The following ATP2B2 variants were observed in gnomAD, a reference collection of about 807,000 sequenced individuals.
The protein encoded by ATP2B2 is plasma membrane calcium-transporting ATPase 2.
A neutral mutation model predicts 120.0 loss-of-function variants in ATP2B2; 15 were observed. The ratio of observed to expected loss-of-function variants is 0.12; its 90% CI spans 0.08 to 0.19. The LOEUF is 0.19. Among genes scored for constraint, ATP2B2 ranks in the 10% least tolerant of loss-of-function variants. ATP2B2 has a pLI of 1.00. For synonymous variants in ATP2B2, 694 were observed against 700.3 expected (o/e 0.99, Z 0.14); for missense variants, 1,045 against 1,719.8 (o/e 0.61, Z 6.94).
intron 2 of ATP2B2, among the ~76,000 whole-genome samples, chr3:10,556,772 TTTC>T (rs1247894149): frequency 1.3e-5 from 2 of 152,252 alleles, no homozygotes; most frequent in Non-Finnish European, 2.9e-5. Flanking sequence ...TTATGTATTC[TTTC>T]TTATTTTATT....
At chr3:10,707,959 C>CCGCTGCCGCT (rs1559529295) in exon 1 of ATP2B2, 7 of 149,890 alleles carry the variant, frequency 4.7e-5, no homozygotes, top group East Asian at 2.0e-4. Flanking sequence ...CCGCTGCCGC[C>CCGCTGCCGCT]GCCGCTGCCG....
chr3:10,568,108 C>T (rs982135963), intron 2 of ATP2B2, among the ~76,000 whole-genome samples: 1 of 152,176 alleles, frequency 6.6e-6, no homozygotes, highest in Non-Finnish European at 1.5e-5. Context: ...AGAGGGCGAG[C>T]CTGGTCCTGC....
At chr3:10,424,144 C>T (rs904179004) in intron 2 of ATP2B2, among the ~76,000 whole-genome samples, 11 of 152,192 alleles carry the variant, frequency 7.2e-5, no homozygotes, top group Non-Finnish European at 1.6e-4. Flanking sequence ...CCTACATGAT[C>T]ATCACTTTAT....
intron 1 of ATP2B2, among the ~76,000 whole-genome samples, chr3:10,640,757 A>T (rs947683985): frequency 3.3e-5 from 5 of 151,826 alleles, no homozygotes; most frequent in Non-Finnish European, 5.9e-5. Context: ...CTCTCCAGGC[A>T]GACAAGAGTA....
intron 1 of ATP2B2, among the ~76,000 whole-genome samples, chr3:10,630,669 T>A (rs923450745): frequency 1.2e-4 from 19 of 152,364 alleles, no homozygotes; most frequent in African/African-American, 4.3e-4. Context: ...TTTCCTCATC[T>A]GTAAAATGGC....
intron 12 of ATP2B2, among the ~76,000 whole-genome samples, chr3:10,367,840 A>C (rs2061111023): frequency 6.6e-6 from 1 of 152,176 alleles, no homozygotes; most frequent in African/African-American, 2.4e-5. Flanking sequence ...TAGGGAAAGC[A>C]CTCAGCATTG....
At chr3:10,361,628 C>T (rs892887314) in intron 12 of ATP2B2, among the ~76,000 whole-genome samples, 8 of 152,234 alleles carry the variant, frequency 5.3e-5, no homozygotes, top group African/African-American at 9.6e-5. Context: ...TGCCCGAACA[C>T]GGGCTGTTTC....
chr3:10,410,565 G>A (rs1251793446), intron 3 of ATP2B2, 53 bp downstream of exon 3: 1 of 1,532,462 alleles, frequency 6.5e-7, no homozygotes, highest in Admixed American at 1.9e-5. Flanking sequence ...CCCCCAGCGT[G>A]GATGCGGTGG....
chr3:10,346,115 A>G lies in ATP2B2; in HGVS notation c.2427T>C (p.Thr809=), dbSNP rs2060424342. 3 of 1,611,660 alleles carry G rather than the reference A, an allele frequency of 1.9e-6. No individual in the cohort carries two copies. In the Admixed American group the frequency reaches 5.0e-5, roughly 27 times the overall value. Residue 809 remains threonine, a synonymous_variant, in exon 17 of 23, where the codon ACT becomes ACC. Coordinates refer to ENST00000360273, the MANE Select transcript of ATP2B2 (RefSeq NM_001001331.4). The surrounding 1 kb of genome is among the most constrained non-coding windows in gnomAD (Gnocchi z 4.1). ...TCACGGCCACCACCTGCCGCTGCTCAGTGTGTGTGCTGTCGATGATGCCTG... is the reference window on the plus strand; with the variant it reads ...TCACGGCCACCACCTGCCGCTGCTCGGTGTGTGTGCTGTCGATGATGCCTG... ...LVKGIIDSTH[T]EQRQVVAVTG...
chr3:10,441,135 G>A (rs544481003), intron 2 of ATP2B2, among the ~76,000 whole-genome samples: 123 of 152,316 alleles, frequency 8.1e-4, no homozygotes, highest in African/African-American at 2.9e-3. Context: ...GGAGAGTAAG[G>A]GGATCTGGAA....
At chr3:10,687,976 T>A (rs929887329) in intron 1 of ATP2B2, among the ~76,000 whole-genome samples, 7 of 152,252 alleles carry the variant, frequency 4.6e-5, no homozygotes, top group Non-Finnish European at 1.0e-4. Context: ...TGAAAATTCC[T>A]ATGGGACAAG....
intron 2 of ATP2B2, among the ~76,000 whole-genome samples, chr3:10,578,599 T>G (rs1212578631): frequency 6.6e-6 from 1 of 151,142 alleles, no homozygotes; most frequent in Non-Finnish European, 1.5e-5. Flanking sequence ...CACCAAAGAC[T>G]TATACACAGA....
chr3:10,341,559 C>G (rs1296189476), intron 19 of ATP2B2, among the ~76,000 whole-genome samples: 3 of 152,222 alleles, frequency 2.0e-5, no homozygotes, highest in African/African-American at 7.2e-5. Flanking sequence ...GATCCACCCG[C>G]CTCGGCCTCC....
chr3:10,451,432 C>T lies in ATP2B2; in HGVS notation c.-319-1570G>A, dbSNP rs187744249. Among the ~76,000 whole-genome samples, 307 of 152,322 alleles carry T rather than the reference C, an allele frequency of 2.0e-3. 3 individuals carry two copies. The highest frequency in any genetic ancestry group is 9.8e-4 in the Non-Finnish European group (67 of 68,022). ...AATTGGGGGCAAAACAGTCTCTCTTCCTTACCCCTACCCCTGACTACTTCC... is the reference window on the plus strand; with the variant it reads ...AATTGGGGGCAAAACAGTCTCTCTTTCTTACCCCTACCCCTGACTACTTCC... On this transcript the variant is annotated intron_variant, in intron 1 of 22. Coordinates refer to ENST00000360273, the MANE Select transcript of ATP2B2 (RefSeq NM_001001331.4).
chr3:10,527,716 G>C (rs1405212357), intron 3 of ATP2B2, among the ~76,000 whole-genome samples: 1 of 152,212 alleles, frequency 6.6e-6, no homozygotes, highest in African/African-American at 2.4e-5. Context: ...AGGGCTGTGG[G>C]GAGTGCCTCG....
chr3:10,622,568 G>C (rs551516168), intron 1 of ATP2B2, among the ~76,000 whole-genome samples: 1 of 152,200 alleles, frequency 6.6e-6, no homozygotes, highest in South Asian at 2.1e-4. Flanking sequence ...GAAGGCCAGG[G>C]GCAAGTCCAA....
chr3:10,620,906 G>T (rs766498948), intron 1 of ATP2B2, among the ~76,000 whole-genome samples: 1 of 152,122 alleles, frequency 6.6e-6, no homozygotes, highest in Admixed American at 6.5e-5. Flanking sequence ...GCAGGTATCC[G>T]GCACAGTAGC....
rs1373511225 is a variant in ATP2B2 at position 10,635,481 on chromosome 3, C to T, written c.-459-15520G>A. 6.6e-6 allele frequency among the ~76,000 whole-genome samples: 1 copy of T among 152,134 alleles called. No individual in the cohort carries two copies. The highest frequency in any genetic ancestry group is 1.5e-5 in the Non-Finnish European group (1 of 68,018). ...GGTGCCTACAGCGGTGAAATTTCTC[C>T]ATCCTGCTTACGTGCCAGAGACTCT... On this transcript the variant is annotated intron_variant, in intron 1 of 21. Coordinates refer to the ATP2B2 transcript ENST00000646379. This position sits in a 1 kb window ranked among gnomAD's most constrained non-coding sequence, Gnocchi z 4.3.
intron 18 of ATP2B2, among the ~76,000 whole-genome samples, chr3:10,344,448 C>A (rs1450624973): frequency 6.6e-6 from 1 of 152,242 alleles, no homozygotes; most frequent in Non-Finnish European, 1.5e-5. Flanking sequence ...CACCTATATT[C>A]CCCCAGCGCA....
Sources: gnomAD v4.1 joint callset for allele counts (sites outside exome capture counted in the v4.1 genomes callset) on GRCh38, gnomAD v4.1.1 for gene constraint, Gnocchi (gnomAD v3.1) non-coding constraint, MANE v1.5 for transcripts, NCBI Gene and HGNC (gene_info 2026-07-23, HGNC 2026-07-21) for gene names.